MMAA: variants seen among roughly 807,000 people sequenced by gnomAD.
MMAA encodes the protein methylmalonic aciduria type A protein, mitochondrial.
A neutral mutation model predicts 45.0 loss-of-function variants in MMAA; 41 were observed. The observed-to-expected ratio is 0.91, with a 90% CI of 0.71 to 1.18. The LOEUF (loss-of-function observed/expected upper bound fraction) is 1.18. Among genes scored for constraint, MMAA ranks in the 50% most tolerant of loss-of-function variants. The pLI is 0.00. For synonymous variants in MMAA, 154 were observed against 178.2 expected (o/e 0.86, Z 1.08); for missense variants, 460 against 495.7 (o/e 0.93, Z 0.68).
At chr4:145,638,032 T>A (rs1727666303) in intron 1 of MMAA, among the ~76,000 whole-genome samples, 1 of 152,224 alleles carries the variant, frequency 6.6e-6, no homozygotes, top group Non-Finnish European at 1.5e-5. Context: ...ACTTTCATTT[T>A]TTAATACAAT....
chr4:145,624,549 G>A (rs1734158034), intron 1 of MMAA: 1 of 1,152,530 alleles, frequency 8.7e-7, no homozygotes, highest in African/African-American at 1.5e-5. Flanking sequence ...GACTTGGAAG[G>A]AATCAGCAAT....
At chr4:145,629,330 C>A (rs1432275689) in intron 1 of MMAA, among the ~76,000 whole-genome samples, 1 of 152,118 alleles carries the variant, frequency 6.6e-6, no homozygotes, top group East Asian at 1.9e-4. Flanking sequence ...CAGGGTTTCA[C>A]CATGTTAGCC....
chr4:145,629,947 C>T (rs1417950714), intron 1 of MMAA, among the ~76,000 whole-genome samples: 1 of 152,122 alleles, frequency 6.6e-6, no homozygotes, highest in African/African-American at 2.4e-5. Flanking sequence ...CACAGAGCCA[C>T]ACCATATCAA....
At chr4:145,638,194 C>G (rs1025037892) in intron 1 of MMAA, among the ~76,000 whole-genome samples, 1 of 151,992 alleles carries the variant, frequency 6.6e-6, no homozygotes, top group East Asian at 1.9e-4. Flanking sequence ...ACAGTGAAAC[C>G]CTGTCTCTAC....
chr4:145,647,651 T>G (rs1727968050), intron 4 of MMAA, among the ~76,000 whole-genome samples: 1 of 152,140 alleles, frequency 6.6e-6, no homozygotes, highest in East Asian at 1.9e-4. Flanking sequence ...ATGGCTGCCT[T>G]CTTGCTGCAT....
chr4:145,628,007 AG>A (rs1362348612), intron 1 of MMAA, among the ~76,000 whole-genome samples: 1 of 152,214 alleles, frequency 6.6e-6, no homozygotes, highest in Non-Finnish European at 1.5e-5. Flanking sequence ...TGTCTAATTT[AG>A]AAACTGACGT....
intron 1 of MMAA, among the ~76,000 whole-genome samples, chr4:145,629,575 CAAAA>C (rs1251660275): frequency 3.0e-4 from 46 of 152,046 alleles, no homozygotes; most frequent in African/African-American, 1.1e-3. Context: ...ATTTAGTATT[CAAAA>C]GAATACTAGC....
chr4:145,648,361 T>C (rs1336301799), intron 4 of MMAA, among the ~76,000 whole-genome samples: 2 of 152,022 alleles, frequency 1.3e-5, no homozygotes, highest in African/African-American at 4.8e-5. Flanking sequence ...TTGGCCAGGC[T>C]GGTCTCCAGT....
rs144313458 is a variant in MMAA, at chr4:145,655,354, G to A, written c.1177G>A (p.Glu393Lys). 6.5e-4 allele frequency: 1,046 copies of A among 1,614,148 alleles called. No individual in the cohort carries two copies. Among genetic ancestry groups the A allele is most frequent in the Non-Finnish European group, 8.5e-4 (1,006 of 1,180,010 alleles). Residue 393 changes from glutamate to lysine, a missense_variant, in exon 7 of 7, where the codon GAA (glutamate) becomes AAA (lysine). By Grantham distance (56) the Glu-to-Lys change is moderately conservative (BLOSUM62 1). Transcript: ENST00000649156. ...AGTCCGGGAACAGATTCCACTTCTG[G>A]AACAAAAGGTTCTCATTGGGGCCCT... is the stretch of plus-strand genomic sequence containing the variant. ...PTVREQIPLL[E>K]QKVLIGALSP...
In MMAA at chr4:145,655,238, A is replaced by G. The variant is rs1384210740; in HGVS notation, c.1061A>G (p.Glu354Gly). 3 of 1,614,070 alleles carry G rather than the reference A, an allele frequency of 1.9e-6. No individual in the cohort carries two copies. The change falls in exon 7 of 7, where the codon GAG becomes GGG. Residue 354 changes from glutamate to glycine, a missense_variant. Transcript: ENST00000649156. ...CAGGACCTAATGCTTGCCAGTGGGGAGCTGACTGCCAAACGACGGAAGCAA... is the reference window on the plus strand; with the variant it reads ...CAGGACCTAATGCTTGCCAGTGGGGGGCTGACTGCCAAACGACGGAAGCAA... ...DFQDLMLASG[E>G]LTAKRRKQQK... is the part of the protein sequence containing the mutation.
rs755382235 is a variant in MMAA at position 145,657,352 on chromosome 4, G to A, written c.*1918G>A. On this transcript the variant is annotated 3_prime_UTR_variant, in exon 7 of 7. Coordinates refer to ENST00000649156, the MANE Select transcript of MMAA (RefSeq NM_172250.3). ...GTTTCTGTTATTTGCTATACTGGAG[G>A]TAATATAATAATAATGAAATATAGC... The A allele has an allele frequency of 2.6e-5, 4 of 151,918 alleles. No individual in the cohort carries two copies. The highest frequency in any genetic ancestry group is 5.9e-5 in the Non-Finnish European group (4 of 67,986). 9.4% of individuals were successfully genotyped at this position (151,918 alleles called of 1,614,324 possible).
At chr4:145,640,071 C>G (rs1360517483) in intron 2 of MMAA, among the ~76,000 whole-genome samples, 3 of 152,054 alleles carry the variant, frequency 2.0e-5, no homozygotes, top group African/African-American at 4.8e-5. Context: ...CCAGCCTTCT[C>G]AATACCAAAA....
In MMAA at chr4:145,657,007, G is replaced by T. The variant is rs1728251882; in HGVS notation, c.*1573G>T. The T allele has an allele frequency of 6.6e-6, 1 of 152,080 alleles. No homozygotes were observed. Among genetic ancestry groups the T allele is most frequent in the Non-Finnish European group, 1.5e-5 (1 of 67,978 alleles). 9.4% of individuals were successfully genotyped at this position (152,080 alleles called of 1,614,324 possible). On this transcript the variant is annotated 3_prime_UTR_variant, in exon 7 of 7. Transcript: ENST00000649156. ...ACCACCCTATCAGACAAAAAAAACT[G>T]GTTTTTAGAAACCTGAGAGAAGGAA...
chr4:145,635,774 C>A (rs1459489018), intron 1 of MMAA, among the ~76,000 whole-genome samples: 1 of 152,240 alleles, frequency 6.6e-6, no homozygotes, highest in South Asian at 2.1e-4. Context: ...GATTTCCTCT[C>A]TCTGTTCTTT....
intron 4 of MMAA, among the ~76,000 whole-genome samples, chr4:145,650,033 G>A (rs1189322281): frequency 1.3e-5 from 2 of 152,264 alleles, no homozygotes; most frequent in South Asian, 2.1e-4. Flanking sequence ...GAAGTGAAGT[G>A]GAAGGAGTCA....
chr4:145,648,147 CTTTT>C (rs79060790), intron 4 of MMAA, among the ~76,000 whole-genome samples: 10 of 125,182 alleles, frequency 8.0e-5, no homozygotes, highest in Non-Finnish European at 1.5e-4. Flanking sequence ...CGTGCCTGGC[CTTTT>C]TTTTTTTTTT....
At chr4:145,632,189 T>C (rs2126611882) in intron 1 of MMAA, among the ~76,000 whole-genome samples, 1 of 152,348 alleles carries the variant, frequency 6.6e-6, no homozygotes, top group Admixed American at 6.5e-5. Context: ...GTAGGAAAGG[T>C]TTGGTGTTGA....
Position 145,646,081 on chromosome 4 carries a change from G to T in MMAA, c.658G>T (p.Val220Leu). ...PSPTRGTLGG[V>L]TRTTNEAILL... The stretch of plus-strand genomic sequence containing the variant: ...TCCTACTAGAGGAACTTTAGGAGGC[G>T]TGACAAGGACCACAAATGAAGCTAT... Residue 220 changes from valine to leucine, a missense_variant, in exon 4 of 7, where the codon GTG (valine) becomes TTG (leucine). Coordinates refer to ENST00000649156, the MANE Select transcript of MMAA (RefSeq NM_172250.3). 1 of 1,614,128 alleles carries T rather than the reference G, an allele frequency of 6.2e-7. No homozygotes were observed. Among genetic ancestry groups the T allele is most frequent in the Non-Finnish European group, 8.5e-7 (1 of 1,179,976 alleles).
At chr4:145,639,647 A>G in intron 2 of MMAA, 69 bp downstream of exon 2, 1 of 1,539,514 alleles carries the variant, frequency 6.5e-7, no homozygotes, top group Non-Finnish European at 8.7e-7. Context: ...TTTTTAAAAA[A>G]AAGTCTAAAT....
Sources: gnomAD v4.1 joint callset for allele counts (sites outside exome capture counted in the v4.1 genomes callset) on GRCh38, gnomAD v4.1.1 for gene constraint, MANE v1.5 for transcripts, NCBI Gene and HGNC (gene_info 2026-07-23, HGNC 2026-07-21) for gene names.